The following ATF6 variants were observed in gnomAD, a reference collection of about 807,000 sequenced individuals.
The protein encoded by ATF6 is cyclic AMP-dependent transcription factor ATF-6 alpha.
Under a neutral mutation model 83.6 loss-of-function variants are expected in ATF6, and 53 were observed. That is an observed-to-expected ratio of 0.63 (90% CI 0.51 to 0.80). ATF6 has a LOEUF of 0.80. Ranked by LOEUF, ATF6 falls within the 30% of genes least tolerant of loss-of-function variation. The pLI is 0.00. For missense variants in ATF6, 744 were observed against 797.9 expected (o/e 0.93, Z 0.81); for synonymous variants, 288 against 285.8 (o/e 1.01, Z -0.08).
chr1:161,908,500 T>C (rs1197228824), intron 14 of ATF6, among the ~76,000 whole-genome samples: 1 of 152,212 alleles, frequency 6.6e-6, no homozygotes, highest in Non-Finnish European at 1.5e-5. Context: ...TTTATTTTCA[T>C]GGTGAAATGT....
At chr1:161,832,266 TA>T (rs1281679716) in intron 9 of ATF6, among the ~76,000 whole-genome samples, 1 of 152,160 alleles carries the variant, frequency 6.6e-6, no homozygotes, top group African/African-American at 2.4e-5. Flanking sequence ...ATGACCAGGT[TA>T]AGACAGCAAA....
chr1:161,857,472 T>C (rs1686789881), intron 12 of ATF6, among the ~76,000 whole-genome samples: 1 of 152,172 alleles, frequency 6.6e-6, no homozygotes, highest in African/African-American at 2.4e-5. Flanking sequence ...TAATGAAATA[T>C]CTTTCAAAAT....
intron 13 of ATF6, 148 bp downstream of exon 13, chr1:161,860,425 T>C: frequency 6.2e-6 from 1 of 162,086 alleles, no homozygotes. Context: ...TATATATATG[T>C]ATATATATAT....
intron 3 of ATF6, among the ~76,000 whole-genome samples, chr1:161,782,750 C>A (rs1684665952): frequency 6.6e-6 from 1 of 152,184 alleles, no homozygotes; most frequent in South Asian, 2.1e-4. Context: ...GCCTGTTTGC[C>A]TTCATAGAAT....
intron 9 of ATF6, among the ~76,000 whole-genome samples, chr1:161,829,963 G>A (rs1045535927): frequency 6.6e-6 from 1 of 152,132 alleles, no homozygotes; most frequent in Admixed American, 6.5e-5. Context: ...GGGCAATCAG[G>A]CAGGAGAAAG....
intron 1 of ATF6, among the ~76,000 whole-genome samples, chr1:161,777,056 G>A (rs149500051): frequency 2.1e-4 from 32 of 152,346 alleles, no homozygotes; most frequent in African/African-American, 7.2e-4. Context: ...CTATGTTAAT[G>A]CTGTTGATAG....
At chr1:161,813,230 G>T (rs1214754249) in intron 7 of ATF6, among the ~76,000 whole-genome samples, 2 of 152,122 alleles carry the variant, frequency 1.3e-5, no homozygotes, top group Non-Finnish European at 2.9e-5. Flanking sequence ...TAAGGTAGCA[G>T]ATAGTTTTAA....
intron 6 of ATF6, among the ~76,000 whole-genome samples, chr1:161,799,121 C>T (rs1195540583): frequency 1.3e-5 from 2 of 152,168 alleles, no homozygotes; most frequent in Non-Finnish European, 2.9e-5. Flanking sequence ...TATAAAGACA[C>T]ACGCACACAT....
intron 15 of ATF6, among the ~76,000 whole-genome samples, chr1:161,930,260 T>C (rs1381912931): frequency 1.3e-5 from 2 of 152,154 alleles, no homozygotes; most frequent in African/African-American, 2.4e-5. Flanking sequence ...TTGTTTTGGG[T>C]TTTTTAAAAC....
At chr1:161,936,793 A>G (rs1360065197) in intron 15 of ATF6, among the ~76,000 whole-genome samples, 1 of 152,184 alleles carries the variant, frequency 6.6e-6, no homozygotes, top group African/African-American at 2.4e-5. Flanking sequence ...CTGCCTGTTA[A>G]ATATCTTCAC....
At chr1:161,859,065 A>G (rs1686823566) in intron 12 of ATF6, among the ~76,000 whole-genome samples, 1 of 152,186 alleles carries the variant, frequency 6.6e-6, no homozygotes, top group South Asian at 2.1e-4. Context: ...CTGGATAACT[A>G]TGCCAGTAAG....
chr1:161,960,701 C>A lies in ATF6; in HGVS notation c.*2047C>A, dbSNP rs903360630. On this transcript the variant is annotated 3_prime_UTR_variant, in exon 16 of 16. Coordinates refer to ENST00000367942, the MANE Select transcript of ATF6 (RefSeq NM_007348.4). ...CAGCACTCCCCTTAGATTTGGCTATCCTGGGTGATTTTCAGACAAGAACCA... is the reference window on the plus strand; with the variant it reads ...CAGCACTCCCCTTAGATTTGGCTATACTGGGTGATTTTCAGACAAGAACCA... 3 of 152,196 alleles carry A rather than the reference C, an allele frequency of 2.0e-5. No homozygotes were observed. The highest frequency in any genetic ancestry group is 4.4e-5 in the Non-Finnish European group (3 of 68,052). The allele number at this position is 152,196 out of a possible 1,614,324, so 9.4% of individuals were successfully genotyped here.
chr1:161,766,357 T>A lies in ATF6; in HGVS notation c.-4T>A. Reference sequence around the variant, plus strand: ...CGGAGTTCCAGGGAGAAGGAACTTGTGAAATGGGGGAGCCGGCTGGGGTTG... The same window carrying A: ...CGGAGTTCCAGGGAGAAGGAACTTGAGAAATGGGGGAGCCGGCTGGGGTTG... On this transcript the variant is annotated 5_prime_UTR_variant, in exon 1 of 16. Transcript: ENST00000367942. 1 of 1,612,990 alleles carries A rather than the reference T, an allele frequency of 6.2e-7. No individual in the cohort carries two copies. Among genetic ancestry groups the A allele is most frequent in the Non-Finnish European group, 8.5e-7 (1 of 1,179,478 alleles).
At chr1:161,792,089 C>A (rs762315249) in intron 5 of ATF6, 35 bp from the exon 6 acceptor site, 1 of 1,592,010 alleles carries the variant, frequency 6.3e-7, no homozygotes, top group Non-Finnish European at 8.6e-7. Context: ...TAATTGCTTT[C>A]ACATTGACTT....
At chr1:161,815,720 A>G (rs1187884091) in intron 7 of ATF6, among the ~76,000 whole-genome samples, 2 of 152,132 alleles carry the variant, frequency 1.3e-5, no homozygotes, top group Non-Finnish European at 2.9e-5. Flanking sequence ...AAGCAGGAGG[A>G]TTGTTTGAGC....
rs147208839 is a variant in ATF6, at chr1:161,849,380, C to A, written c.1320-2342C>A. On this transcript the variant is annotated intron_variant, in intron 10 of 15. Transcript: ENST00000367942. ...TTGCAGGGAAGAATGTTCTATATAT[C>A]CTCTGCTATTGTTTCTTTTCTCTCG... is the stretch of plus-strand genomic sequence containing the variant. Among the ~76,000 whole-genome samples, 113 of 152,252 alleles carry A rather than the reference C, an allele frequency of 7.4e-4. 1 individual carries two copies. Among genetic ancestry groups the A allele is most frequent in the Non-Finnish European group, 1.1e-3 (77 of 68,016 alleles).
At chr1:161,836,356 CCACCAAGTATA>C (rs1297010688) in intron 9 of ATF6, among the ~76,000 whole-genome samples, 1 of 152,180 alleles carries the variant, frequency 6.6e-6, no homozygotes, top group African/African-American at 2.4e-5. Flanking sequence ...AGAATTCAAA[CCACCAAGTATA>C]CACGGTTTTG....
intron 14 of ATF6, among the ~76,000 whole-genome samples, chr1:161,894,924 C>T (rs1266895146): frequency 6.6e-6 from 1 of 151,108 alleles, no homozygotes; most frequent in African/African-American, 2.4e-5. Context: ...TAATAGATAA[C>T]TGTGTGATCA....
intron 14 of ATF6, among the ~76,000 whole-genome samples, chr1:161,875,452 A>G (rs1687195897): frequency 2.0e-5 from 3 of 151,952 alleles, no homozygotes; most frequent in South Asian, 2.1e-4. Context: ...CCAAATGTTG[A>G]CACATTTTAT....
Sources: allele counts gnomAD v4.1 joint callset (sites outside exome capture counted in the v4.1 genomes callset), GRCh38; gene constraint gnomAD v4.1.1; transcripts MANE v1.5; gene names NCBI Gene and HGNC (gene_info 2026-07-23, HGNC 2026-07-21).